NTN1: variants seen among roughly 807,000 people sequenced by gnomAD.
NTN1 encodes netrin-1.
A neutral mutation model predicts 54.2 loss-of-function variants in NTN1; 11 were observed. The observed-to-expected ratio is 0.20, with a 90% confidence interval of 0.13 to 0.34. NTN1 has a LOEUF of 0.34. Among genes scored for constraint, NTN1 ranks in the 10% least tolerant of loss-of-function variants. The pLI, the probability that NTN1 is intolerant of heterozygous loss-of-function variation, is 1.00. For missense variants in NTN1, 740 were observed against 893.1 expected (o/e 0.83, Z 2.18); for synonymous variants, 371 against 382.0 (o/e 0.97, Z 0.33).
chr17:9,095,266 C>T (rs1353149506), intron 2 of NTN1, among the ~76,000 whole-genome samples: 1 of 152,100 alleles, frequency 6.6e-6, no homozygotes, highest in African/African-American at 2.4e-5. Flanking sequence ...TTCTGGTGCT[C>T]GTTCATGCAG....
Position 9,023,057 on chromosome 17 carries a change from G to T in NTN1, c.684G>T (p.Ser228=). 6.3e-7 allele frequency: 1 copy of T among 1,582,784 alleles called. No homozygotes were observed. Residue 228 remains serine (S), a synonymous_variant, in exon 2 of 7, where the codon TCG becomes TCT. Coordinates refer to ENST00000173229, the MANE Select transcript of NTN1 (RefSeq NM_004822.3). ...IAFSTLDGRP[S]AHDFDNSPVL... Reference sequence around the variant, plus strand: ...TCAGCACGCTGGACGGGCGGCCCTCGGCGCACGACTTCGACAACTCGCCCG... The same window carrying T: ...TCAGCACGCTGGACGGGCGGCCCTCTGCGCACGACTTCGACAACTCGCCCG...
chr17:9,131,244 C>T (rs951609635), intron 2 of NTN1, among the ~76,000 whole-genome samples: 1 of 152,174 alleles, frequency 6.6e-6, no homozygotes, highest in Non-Finnish European at 1.5e-5. Context: ...TTCCAACACT[C>T]AGCATACCCT....
rs1460625958 is a variant in NTN1, at chr17:9,124,700, G to C, written c.1019-38113G>C. On this transcript the variant is annotated intron_variant, in intron 2 of 6. Coordinates refer to ENST00000173229, the MANE Select transcript of NTN1 (RefSeq NM_004822.3). Reference sequence around the variant, plus strand: ...TGTCATAGAGGATGACAGATGCTGTGGGGAGGTAAAAGGAACTCGTTTTGC... The same window carrying C: ...TGTCATAGAGGATGACAGATGCTGTCGGGAGGTAAAAGGAACTCGTTTTGC... Among the ~76,000 whole-genome samples, 5 of 152,298 alleles carry C rather than the reference G, an allele frequency of 3.3e-5. No homozygotes were observed. The South Asian group carries it at 6.2e-4, about 19-fold the overall frequency.
chr17:9,201,048 C>T (rs534684667), intron 5 of NTN1, among the ~76,000 whole-genome samples: 6 of 152,118 alleles, frequency 3.9e-5, no homozygotes, highest in South Asian at 4.2e-4. Flanking sequence ...TAATAGAGGA[C>T]GATACTTAGA....
chr17:9,016,292 G>A, the NTN1 span, among the ~76,000 whole-genome samples: 3 of 152,158 alleles, frequency 2.0e-5, no homozygotes, highest in African/African-American at 7.2e-5. Context: ...TGGACAGCCC[G>A]TCCAGCACCG....
chr17:9,053,156 C>T (rs1293172109), intron 2 of NTN1, among the ~76,000 whole-genome samples: 1 of 152,192 alleles, frequency 6.6e-6, no homozygotes, highest in Non-Finnish European at 1.5e-5. Context: ...TATGTATTGT[C>T]TGTGGCCGCT....
intron 2 of NTN1, among the ~76,000 whole-genome samples, chr17:9,136,841 C>T (rs1018561690): frequency 6.6e-6 from 1 of 152,218 alleles, no homozygotes; most frequent in Non-Finnish European, 1.5e-5. Context: ...AGGCTCTTCG[C>T]AGTCGGAGCC....
rs904635505 is a variant in NTN1, at chr17:9,089,755, C to T, written c.1018+66364C>T. ...CCACGGCACTGGAGACAAAGCTTTT[C>T]GTTCGCAGCCGCAGCCGCTTGCCTG... On this transcript the variant is annotated intron_variant, in intron 2 of 6. Transcript: ENST00000173229. 7.9e-5 allele frequency among the ~76,000 whole-genome samples: 12 copies of T among 152,272 alleles called. No individual in the cohort carries two copies. The East Asian group carries it at 1.2e-3, about 15-fold the overall frequency.
chr17:9,193,538 A>G (rs74330517), intron 5 of NTN1, among the ~76,000 whole-genome samples: 89 of 152,344 alleles, frequency 5.8e-4, no homozygotes, highest in Non-Finnish European at 1.1e-3. Flanking sequence ...TGCATTTCTT[A>G]ATATCATTTG....
chr17:9,159,999 C>T (rs896544293), intron 2 of NTN1, among the ~76,000 whole-genome samples: 6 of 152,110 alleles, frequency 3.9e-5, no homozygotes, highest in South Asian at 2.1e-4. Flanking sequence ...AAATGGGAAA[C>T]GACCTATAGG....
At position 9,022,305 on chromosome 17, in the gene NTN1, C is replaced by T; in HGVS notation, c.-63-6C>T. ...CTGGCTGAGCGCAGCTCCCTTCTCT[C>T]CGCAGGCGCCTTCTGCGGCAGGCGG... On this transcript the variant is annotated splice_region_variant and splice_polypyrimidine_tract_variant and intron_variant, in intron 1 of 6. Transcript: ENST00000173229. 1 of 1,259,398 alleles carries T rather than the reference C, an allele frequency of 7.9e-7. No individual in the cohort carries two copies. The highest frequency in any genetic ancestry group is 9.9e-7 in the Non-Finnish European group (1 of 1,006,308). 78.0% of individuals were successfully genotyped at this position (1,259,398 alleles called of 1,614,324 possible). A position where few individuals can be genotyped will look rare whatever the true frequency, so the allele number is the denominator to read the frequency against.
At chr17:9,024,204 C>T (rs1376097833) in intron 2 of NTN1, among the ~76,000 whole-genome samples, 1 of 152,100 alleles carries the variant, frequency 6.6e-6, no homozygotes, top group Non-Finnish European at 1.5e-5. Context: ...CGGGTGAATA[C>T]GGCTGGGTCA....
At chr17:9,148,940 A>G (rs1164801496) in intron 2 of NTN1, among the ~76,000 whole-genome samples, 1 of 152,026 alleles carries the variant, frequency 6.6e-6, no homozygotes, top group African/African-American at 2.4e-5. Flanking sequence ...ATGGGGGTAG[A>G]GGGGAACAAA....
chr17:9,073,277 G>A (rs576214030), intron 2 of NTN1, among the ~76,000 whole-genome samples: 4 of 152,312 alleles, frequency 2.6e-5, no homozygotes, highest in East Asian at 1.9e-4. Context: ...AATCAAAGCC[G>A]CGGGTGAAGG....
chr17:9,226,237 G>T (rs1304349523), intron 6 of NTN1, among the ~76,000 whole-genome samples: 1 of 152,072 alleles, frequency 6.6e-6, no homozygotes, highest in Admixed American at 6.5e-5. Context: ...GGGAGCGCTG[G>T]AGACGCAGGT....
At chr17:9,202,962 G>C (rs146160758) in intron 5 of NTN1, among the ~76,000 whole-genome samples, 4,622 of 151,876 alleles carry the variant, frequency 0.03, 97 homozygotes, top group Non-Finnish European at 0.043. Context: ...CTCTCTGTCG[G>C]CCAGGCTAGA....
At chr17:9,141,881 G>T (rs567959049) in intron 2 of NTN1, among the ~76,000 whole-genome samples, 6 of 152,240 alleles carry the variant, frequency 3.9e-5, no homozygotes, top group African/African-American at 1.2e-4. Context: ...GGCCAACATG[G>T]TGAAACCCTG....
chr17:9,095,487 T>C (rs919716105), intron 2 of NTN1, among the ~76,000 whole-genome samples: 2 of 152,248 alleles, frequency 1.3e-5, no homozygotes, highest in Non-Finnish European at 2.9e-5. Flanking sequence ...ATGTGGACCT[T>C]TCCCTAACGC....
intron 3 of NTN1, chr17:9,173,309 G>A (rs2092392203): frequency 6.6e-6 from 1 of 152,308 alleles, no homozygotes; most frequent in Non-Finnish European, 1.5e-5. Context: ...GAAGAAATGG[G>A]TGCTTGGACA....
Sources: allele counts gnomAD v4.1 joint callset (sites outside exome capture counted in the v4.1 genomes callset), GRCh38; gene constraint gnomAD v4.1.1; transcripts MANE v1.5; gene names NCBI Gene and HGNC (gene_info 2026-07-23, HGNC 2026-07-21).